Variants in LRRC7 observed in about 807,000 individuals in gnomAD.
LRRC7 encodes leucine rich repeat containing 7.
LRRC7 carries 23 observed loss-of-function variants against 175.7 expected under a neutral mutation model. The ratio of observed to expected loss-of-function variants is 0.13; its 90% CI spans 0.09 to 0.19. The LOEUF (loss-of-function observed/expected upper bound fraction) is 0.19. LRRC7 is among the 10% of genes least tolerant of loss of function. The pLI is 1.00. For missense variants in LRRC7, 1,354 were observed against 1,904.7 expected (o/e 0.71, Z 5.38); for synonymous variants, 685 against 680.9 (o/e 1.01, Z -0.09).
chr1:69,752,618 A>T (rs374370311), intron 2 of LRRC7, among the ~76,000 whole-genome samples: 2 of 152,146 alleles, frequency 1.3e-5, no homozygotes, highest in African/African-American at 4.8e-5. Context: ...TCTCTCTGTT[A>T]TTCACCTAGG....
At chr1:69,817,414 C>T (rs1007770995) in intron 4 of LRRC7, among the ~76,000 whole-genome samples, 5 of 151,906 alleles carry the variant, frequency 3.3e-5, no homozygotes, top group African/African-American at 4.8e-5. Flanking sequence ...GTTTTTGGTA[C>T]ATTTGTTAAC....
At chr1:70,014,909 A>G (rs150242214) in intron 13 of LRRC7, among the ~76,000 whole-genome samples, 8 of 152,128 alleles carry the variant, frequency 5.3e-5, no homozygotes, top group African/African-American at 1.9e-4. Flanking sequence ...CATATTCTAC[A>G]TTTATGACTG....
chr1:70,028,348 G>T lies in LRRC7; in HGVS notation c.1972G>T (p.Ala658Ser). ...KEKYEHKWPVAPKEITVEDSF... is the reference protein window; with the variant it reads ...KEKYEHKWPVSPKEITVEDSF... Reference sequence around the variant, plus strand: ...AAAATATGAACACAAGTGGCCGGTAGCCCCAAAGGAGATTACAGTGGAGGT... The same window carrying T: ...AAAATATGAACACAAGTGGCCGGTATCCCCAAAGGAGATTACAGTGGAGGT... The change falls in exon 18 of 27, where the codon GCC (alanine) becomes TCC (serine). Residue 658 changes from alanine (A) to serine (S), a missense_variant. By Grantham distance (99) the Ala-to-Ser change is moderately conservative (BLOSUM62 1). Transcript: ENST00000651989. 2 of 1,613,486 alleles carry T rather than the reference G, an allele frequency of 1.2e-6. No homozygotes were observed. The highest frequency in any genetic ancestry group is 1.7e-6 in the Non-Finnish European group (2 of 1,179,624).
intron 7 of LRRC7, among the ~76,000 whole-genome samples, chr1:69,901,178 T>C (rs908987448): frequency 2.6e-5 from 4 of 152,130 alleles, no homozygotes; most frequent in Non-Finnish European, 4.4e-5. Flanking sequence ...GAAGAGGCTG[T>C]TACAAATGCC....
At position 70,038,767 on chromosome 1, in the gene LRRC7, A is replaced by G; in HGVS notation, c.2943A>G (p.Lys981=). ...SPLMKDIKSN[K]FKKSQSIDEI... is the part of the protein sequence containing the mutation. ...TAATGAAAGATATCAAGTCTAATAA[A>G]TTCAAAAAGTCACAGAGTATCGATG... is the stretch of plus-strand genomic sequence containing the variant. Residue 981 remains lysine, a synonymous_variant, in exon 21 of 27, where the codon AAA becomes AAG. Transcript: ENST00000651989. 6.2e-7 allele frequency: 1 copy of G among 1,613,980 alleles called. No homozygotes were observed. The highest frequency in any genetic ancestry group is 1.1e-5 in the South Asian group (1 of 91,076).
At chr1:70,048,195 T>A (rs1660481371) in intron 22 of LRRC7, among the ~76,000 whole-genome samples, 1 of 152,086 alleles carries the variant, frequency 6.6e-6, no homozygotes, top group Non-Finnish European at 1.5e-5. Flanking sequence ...ATATCAAAAT[T>A]AATGGTAGAA....
intron 17 of LRRC7, among the ~76,000 whole-genome samples, chr1:70,025,574 T>C (rs1571064455): frequency 6.6e-6 from 1 of 152,138 alleles, no homozygotes; most frequent in East Asian, 1.9e-4. Flanking sequence ...CCAAGAACTT[T>C]CACATTTTTC....
In LRRC7 at chr1:69,817,693, G is replaced by A. The variant is rs185657171; in HGVS notation, c.422-8055G>A. Among the ~76,000 whole-genome samples the A allele has an allele frequency of 5.4e-4, 82 of 152,116 alleles. 1 individual carries two copies. The East Asian group carries it at 0.011, about 20-fold the overall frequency. On this transcript the variant is annotated intron_variant, in intron 4 of 26. Transcript: ENST00000651989. Reference sequence around the variant, plus strand: ...AGTCATTGGGATTTTGATAGGAATTGCATTTAATCTGTGAATTACTTTGGG... The same window carrying A: ...AGTCATTGGGATTTTGATAGGAATTACATTTAATCTGTGAATTACTTTGGG...
chr1:69,822,198 A>G (rs542591244), intron 4 of LRRC7, among the ~76,000 whole-genome samples: 9 of 152,064 alleles, frequency 5.9e-5, no homozygotes, highest in African/African-American at 1.7e-4. Context: ...GGAGTCTCTC[A>G]CTTGTTTTTT....
At chr1:69,951,304 T>C (rs887973048) in intron 8 of LRRC7, among the ~76,000 whole-genome samples, 8 of 151,970 alleles carry the variant, frequency 5.3e-5, no homozygotes, top group African/African-American at 1.9e-4. Flanking sequence ...ACTGGCGAAG[T>C]TGCAGAAAAA....
At chr1:69,584,676 C>G (rs963145965) in intron 1 of LRRC7, among the ~76,000 whole-genome samples, 1 of 152,004 alleles carries the variant, frequency 6.6e-6, no homozygotes, top group African/African-American at 2.4e-5. Flanking sequence ...TCATCTTACC[C>G]CTTCCCCAGT....
chr1:69,814,269 TCTA>T (rs945804215), intron 4 of LRRC7, among the ~76,000 whole-genome samples: 1 of 152,140 alleles, frequency 6.6e-6, no homozygotes, highest in Non-Finnish European at 1.5e-5. Context: ...AAATAAAACT[TCTA>T]CTCTTGTAAA....
In LRRC7 at chr1:70,086,643, A is replaced by T. The variant is rs531517566; in HGVS notation, c.4453-3084A>T. Among the ~76,000 whole-genome samples the T allele has an allele frequency of 9.9e-5, 15 of 152,218 alleles. No homozygotes were observed. The East Asian group carries it at 2.9e-3, about 29-fold the overall frequency. On this transcript the variant is annotated intron_variant, in intron 24 of 26. Transcript: ENST00000651989. ...CATGGTGACATGTGCCTGTAGTCCC[A>T]GCTACTCCAAAGACTGAGATGGGAG... is the stretch of plus-strand genomic sequence containing the variant.
chr1:69,603,609 T>C (rs902379260), intron 1 of LRRC7, among the ~76,000 whole-genome samples: 1 of 152,190 alleles, frequency 6.6e-6, no homozygotes, highest in Non-Finnish European at 1.5e-5. Context: ...GTTTGTCTAA[T>C]ACCTTAATCC....
rs78099896 is a variant in LRRC7 at position 69,774,867 on chromosome 1, T to C, written c.303+14474T>C. On this transcript the variant is annotated intron_variant, in intron 3 of 26. Coordinates refer to ENST00000651989, the MANE Select transcript of LRRC7 (RefSeq NM_001370785.2). ...TGAAATAAATACACGATCTCTACAA[T>C]TGATAGAAAAAGACAAAGAAATACA... is the stretch of plus-strand genomic sequence containing the variant. Among the ~76,000 whole-genome samples the C allele has an allele frequency of 4.9e-3, 733 of 150,402 alleles. 12 individuals are homozygous for C. Among genetic ancestry groups the C allele is most frequent in the African/African-American group, 0.018 (713 of 39,908 alleles).
chr1:69,888,006 C>A (rs1327786048), intron 7 of LRRC7, among the ~76,000 whole-genome samples: 1 of 109,702 alleles, frequency 9.1e-6, no homozygotes, highest in Non-Finnish European at 2.0e-5. Context: ...TTGGGAGAAC[C>A]ACTGCTCCCT....
intron 7 of LRRC7, among the ~76,000 whole-genome samples, chr1:69,886,856 T>C (rs1016409978): frequency 3.3e-5 from 5 of 150,964 alleles, no homozygotes; most frequent in African/African-American, 1.2e-4. Flanking sequence ...GTAAAGTATT[T>C]TATTTCTCCT....
chr1:69,595,173 G>A lies in LRRC7; in HGVS notation c.2+26532G>A, dbSNP rs568154263. On this transcript the variant is annotated intron_variant, in intron 1 of 26. Coordinates refer to ENST00000651989, the MANE Select transcript of LRRC7 (RefSeq NM_001370785.2). ...GACACAAGCATGTTAAGCAATCCCA[G>A]CACTTTGAGAGGCTAAAGCAGGTGG... 1.1e-4 allele frequency among the ~76,000 whole-genome samples: 17 copies of A among 152,226 alleles called. 1 individual carries two copies. In the South Asian group the frequency reaches 1.4e-3, roughly 13 times the overall value.
At chr1:69,675,427 G>T (rs948517048) in intron 1 of LRRC7, among the ~76,000 whole-genome samples, 3 of 152,118 alleles carry the variant, frequency 2.0e-5, no homozygotes, top group Admixed American at 6.5e-5. Flanking sequence ...CTATTCAAGA[G>T]AGTAGTTTTC....
Sources: allele counts gnomAD v4.1 joint callset (sites outside exome capture counted in the v4.1 genomes callset), GRCh38; gene constraint gnomAD v4.1.1; transcripts MANE v1.5; gene names NCBI Gene and HGNC (gene_info 2026-07-23, HGNC 2026-07-21).